ADGRL3: variants seen among roughly 807,000 people sequenced by gnomAD.
ADGRL3 encodes the protein adhesion G protein-coupled receptor L3, also known as calcium-independent alpha-latrotoxin receptor 3.
A neutral mutation model predicts 153.5 loss-of-function variants in ADGRL3; 62 were observed. The observed-to-expected ratio is 0.40, with a 90% CI of 0.33 to 0.50. The LOEUF (loss-of-function observed/expected upper bound fraction) is 0.50. Among genes scored for constraint, ADGRL3 ranks in the 20% least tolerant of loss-of-function variants. ADGRL3 has a pLI of 0.47. For missense variants in ADGRL3, 1,641 were observed against 1,859.4 expected (o/e 0.88, Z 2.16); for synonymous variants, 710 against 672.5 (o/e 1.06, Z -0.86).
rs1024327424 is a variant in ADGRL3 at position 61,821,478 on chromosome 4, T to G, written c.1480+7589T>G. Reference sequence around the variant, plus strand: ...CCCGGGTTCAAGTGATTCTCCTTCCTCAGCCTCCCGAGTAGCTGGGATTAC... The same window carrying G: ...CCCGGGTTCAAGTGATTCTCCTTCCGCAGCCTCCCGAGTAGCTGGGATTAC... On this transcript the variant is annotated intron_variant, in intron 9 of 26. Coordinates refer to ENST00000683033, the MANE Select transcript of ADGRL3 (RefSeq NM_001387552.1). 6.6e-5 allele frequency among the ~76,000 whole-genome samples: 10 copies of G among 152,064 alleles called. No individual in the cohort carries two copies. The South Asian group carries it at 1.2e-3, about 19-fold the overall frequency.
chr4:62,049,881 G>C (rs561281381), intron 25 of ADGRL3, among the ~76,000 whole-genome samples: 176 of 152,206 alleles, frequency 1.2e-3, no homozygotes, highest in Non-Finnish European at 2.2e-3. Flanking sequence ...ACTTCAGAAG[G>C]TCCTTGAGAG....
chr4:61,934,943 A>C lies in ADGRL3; in HGVS notation c.2216A>C (p.His739Pro). The C allele has an allele frequency of 6.2e-7, 1 of 1,613,880 alleles. No individual in the cohort carries two copies. Among genetic ancestry groups the C allele is most frequent in the Non-Finnish European group, 8.5e-7 (1 of 1,179,826 alleles). ...DQLRAATMLL[H>P]TVEESAFVLA... ...CTGCGTGCGGCCACCATGTTGCTTC[A>C]TACTGTGGAGGAAAGTGCTTTTGTG... Residue 739 changes from histidine (H) to proline (P), a missense_variant, in exon 14 of 27, where the codon CAT becomes CCT. Transcript: ENST00000683033.
chr4:61,802,925 C>T (rs2097515815), intron 8 of ADGRL3, among the ~76,000 whole-genome samples: 1 of 151,888 alleles, frequency 6.6e-6, no homozygotes, highest in Non-Finnish European at 1.5e-5. Flanking sequence ...TAAGAATTAC[C>T]ACCTCTAATC....
At chr4:61,836,889 C>T (rs764327259) in intron 9 of ADGRL3, among the ~76,000 whole-genome samples, 4 of 151,940 alleles carry the variant, frequency 2.6e-5, no homozygotes, top group Admixed American at 6.6e-5. Flanking sequence ...CAAGAAAAAT[C>T]GAAATCGAAG....
intron 5 of ADGRL3, among the ~76,000 whole-genome samples, chr4:61,653,603 G>C (rs1219153605): frequency 6.6e-6 from 1 of 152,156 alleles, no homozygotes; most frequent in Non-Finnish European, 1.5e-5. Flanking sequence ...TCAGAAACCT[G>C]TCTTCCTCCA....
chr4:61,726,377 T>G (rs1425872237), intron 6 of ADGRL3, among the ~76,000 whole-genome samples: 2 of 151,858 alleles, frequency 1.3e-5, no homozygotes, highest in African/African-American at 2.4e-5. Flanking sequence ...GTTTGTATTT[T>G]TAGTAGAGAT....
At chr4:61,764,542 G>A (rs2096953078) in intron 8 of ADGRL3, among the ~76,000 whole-genome samples, 2 of 151,626 alleles carry the variant, frequency 1.3e-5, no homozygotes, top group East Asian at 2.0e-4. Context: ...GGCAAGGACC[G>A]GCCATTTACA....
rs1735347764 is a variant in ADGRL3, at chr4:61,202,742, G to A, written c.-240+977G>A. ...GGGTGCCAGGCCCCCAGCACTATAG[G>A]TGGGTGTGTGTGTGTCTGTGCGTGT... is the stretch of plus-strand genomic sequence containing the variant. On this transcript the variant is annotated intron_variant, in intron 1 of 26. Transcript: ENST00000683033. The surrounding 1 kb of genome is among the most constrained non-coding windows in gnomAD (Gnocchi z 5.0). 6.6e-6 allele frequency among the ~76,000 whole-genome samples: 1 copy of A among 152,182 alleles called. No individual in the cohort carries two copies. Among genetic ancestry groups the A allele is most frequent in the Admixed American group, 6.5e-5 (1 of 15,282 alleles).
intron 9 of ADGRL3, among the ~76,000 whole-genome samples, chr4:61,822,896 ATTC>A (rs1398078846): frequency 6.6e-6 from 1 of 152,170 alleles, no homozygotes; most frequent in Non-Finnish European, 1.5e-5. Flanking sequence ...TGCTCTGAAC[ATTC>A]TTCTTCAGGT....
chr4:61,833,958 CT>C (rs113049750), intron 9 of ADGRL3, among the ~76,000 whole-genome samples: 1,984 of 123,408 alleles, frequency 0.016, 29 homozygotes, highest in African/African-American at 0.04. Flanking sequence ...AAGGCAGCTT[CT>C]TTTTTTTTTT....
At chr4:61,428,457 G>T (rs6825677) in intron 2 of ADGRL3, among the ~76,000 whole-genome samples, 59,906 of 152,064 alleles carry the variant, frequency 0.39, 12,353 homozygotes, top group Middle Eastern at 0.57. Context: ...TAAAGGGAAT[G>T]TTAAGGAAAG....
intron 4 of ADGRL3, among the ~76,000 whole-genome samples, chr4:61,571,820 A>G (rs866384561): frequency 2.0e-5 from 3 of 152,144 alleles, no homozygotes; most frequent in African/African-American, 7.2e-5. Flanking sequence ...CTCATTTACT[A>G]TTTACTACTT....
intron 9 of ADGRL3, among the ~76,000 whole-genome samples, chr4:61,874,005 T>A (rs1440730319): frequency 1.3e-5 from 2 of 152,222 alleles, no homozygotes; most frequent in East Asian, 3.8e-4. Context: ...GATCATATCC[T>A]AAATTTTAAA....
chr4:62,054,905 A>G (rs73823301), intron 25 of ADGRL3, among the ~76,000 whole-genome samples: 2,215 of 151,724 alleles, frequency 0.015, 53 homozygotes, highest in African/African-American at 0.05. Context: ...AATGCAGAGT[A>G]TAACAGTGAT....
chr4:62,045,819 A>G (rs1270340995), intron 25 of ADGRL3, among the ~76,000 whole-genome samples: 2 of 151,956 alleles, frequency 1.3e-5, no homozygotes, highest in Non-Finnish European at 2.9e-5. Flanking sequence ...TACGAAGAAA[A>G]CGTATTAAAA....
chr4:61,269,063 G>A (rs2093012296), intron 1 of ADGRL3, among the ~76,000 whole-genome samples: 1 of 151,566 alleles, frequency 6.6e-6, no homozygotes. Flanking sequence ...TGTTACTTTA[G>A]TATTTATTCA....
At chr4:61,654,282 A>C (rs921758231) in intron 5 of ADGRL3, among the ~76,000 whole-genome samples, 9 of 152,062 alleles carry the variant, frequency 5.9e-5, no homozygotes, top group Non-Finnish European at 1.3e-4. Flanking sequence ...TTTATTTAAA[A>C]ATTTTTGAAT....
At chr4:61,532,342 A>G (rs576139199) in intron 4 of ADGRL3, among the ~76,000 whole-genome samples, 57 of 152,230 alleles carry the variant, frequency 3.7e-4, no homozygotes, top group Non-Finnish European at 6.5e-4. Flanking sequence ...TCAGCTTTTC[A>G]AGTTACAATT....
At chr4:61,512,823 C>T (rs958507247) in intron 3 of ADGRL3, among the ~76,000 whole-genome samples, 8 of 151,928 alleles carry the variant, frequency 5.3e-5, no homozygotes, top group Admixed American at 6.6e-5. Context: ...AAGGATTAGG[C>T]GGGTATGTTC....
Sources: allele counts gnomAD v4.1 joint callset (sites outside exome capture counted in the v4.1 genomes callset), GRCh38; gene constraint gnomAD v4.1.1; non-coding constraint Gnocchi (gnomAD v3.1); transcripts MANE v1.5; gene names NCBI Gene and HGNC (gene_info 2026-07-23, HGNC 2026-07-21).